PHIP: variants seen among roughly 807,000 people sequenced by gnomAD.
The protein encoded by PHIP is PHIP subunit of CUL4-Ring ligase complex.
A neutral mutation model predicts 236.8 loss-of-function variants in PHIP; 54 were observed. The ratio of observed to expected loss-of-function variants is 0.23; its 90% CI spans 0.18 to 0.29. PHIP has a LOEUF of 0.29. PHIP is among the 10% of genes least tolerant of loss of function. The pLI is 1.00. For synonymous variants in PHIP, 756 were observed against 718.9 expected (o/e 1.05, Z -0.83); for missense variants, 1,370 against 2,190.8 (o/e 0.63, Z 7.48).
chr6:79,015,283 A>T, intron 14 of PHIP, 67 bp from the exon 15 acceptor site: 1 of 1,256,548 alleles, frequency 8.0e-7, no homozygotes, highest in Non-Finnish European at 1.2e-6. Context: ...AACATAATGA[A>T]ATACCAATAT....
chr6:78,994,981 C>A (rs1769516458), intron 19 of PHIP, among the ~76,000 whole-genome samples: 1 of 152,132 alleles, frequency 6.6e-6, no homozygotes, highest in Admixed American at 6.5e-5. Context: ...AACAAACAAA[C>A]AAAATCATGT....
chr6:79,052,322 T>C (rs1772835158), intron 6 of PHIP, among the ~76,000 whole-genome samples: 1 of 152,136 alleles, frequency 6.6e-6, no homozygotes, highest in Non-Finnish European at 1.5e-5. Context: ...AGCCTGAGGC[T>C]GGAAAGAGCA....
At chr6:79,043,101 G>T in intron 6 of PHIP, 98 bp from the exon 7 acceptor site, 2 of 958,320 alleles carry the variant, frequency 2.1e-6, no homozygotes, top group Non-Finnish European at 3.2e-6. Context: ...GTCATGTGCA[G>T]GTAAAAATAA....
chr6:78,997,377 G>A, intron 19 of PHIP, 37 bp downstream of exon 19: 1 of 1,575,666 alleles, frequency 6.3e-7, no homozygotes, highest in Non-Finnish European at 8.7e-7. Context: ...ATGAACCCAA[G>A]GAACTATGGT....
chr6:79,073,271 T>C (rs929867298), intron 4 of PHIP, among the ~76,000 whole-genome samples: 18 of 152,200 alleles, frequency 1.2e-4, no homozygotes, highest in African/African-American at 4.3e-4. Flanking sequence ...CTTCAGCCTC[T>C]CAGCAACATA....
intron 24 of PHIP, among the ~76,000 whole-genome samples, chr6:78,974,961 C>G (rs1453127160): frequency 1.3e-5 from 2 of 151,594 alleles, no homozygotes; most frequent in Non-Finnish European, 2.9e-5. Context: ...GGAACTGGTA[C>G]CATTCCTTCT....
intron 39 of PHIP, among the ~76,000 whole-genome samples, chr6:78,944,475 G>C (rs1773694191): frequency 1.3e-5 from 2 of 152,126 alleles, no homozygotes; most frequent in South Asian, 4.1e-4. Flanking sequence ...AAATTATGTA[G>C]GCCTTGAAAT....
intron 6 of PHIP, among the ~76,000 whole-genome samples, chr6:79,052,274 C>T (rs558703080): frequency 3.3e-5 from 5 of 152,238 alleles, no homozygotes; most frequent in Middle Eastern, 3.4e-3. Flanking sequence ...CTGATGTGAG[C>T]GCAGCATATT....
At chr6:79,014,307 G>A (rs1205190331) in intron 15 of PHIP, among the ~76,000 whole-genome samples, 1 of 151,576 alleles carries the variant, frequency 6.6e-6, no homozygotes, top group Non-Finnish European at 1.5e-5. Flanking sequence ...TGTACTAATT[G>A]TATTGTTTTA....
At chr6:79,072,110 C>T (rs902368241) in intron 4 of PHIP, among the ~76,000 whole-genome samples, 1 of 152,156 alleles carries the variant, frequency 6.6e-6, no homozygotes, top group Admixed American at 6.5e-5. Flanking sequence ...GACATCTCTT[C>T]TCTGACAGTT....
At chr6:78,992,085 C>A (rs2127724756) in intron 19 of PHIP, among the ~76,000 whole-genome samples, 2 of 151,546 alleles carry the variant, frequency 1.3e-5, no homozygotes, top group Admixed American at 1.3e-4. Context: ...GCCTCAGCCT[C>A]CCGAGTAGCT....
rs1774233977 is a variant in PHIP, at chr6:79,077,519, G to A, written c.130-12C>T. The A allele has an allele frequency of 1.3e-6, 2 of 1,526,778 alleles. No homozygotes were observed. Among genetic ancestry groups the A allele is most frequent in the Admixed American group, 1.9e-5 (1 of 51,296 alleles). 94.6% of individuals were successfully genotyped at this position (1,526,778 alleles called of 1,614,324 possible). On this transcript the variant is annotated splice_polypyrimidine_tract_variant and intron_variant, in intron 3 of 39. Transcript: ENST00000275034. ...CGCCGGGGCAGCAGCTGCGGGGAGA[G>A]GACACCCCGTGAGCCCGGCCCCCGG...
At chr6:78,977,412 T>C (rs1402202035) in intron 24 of PHIP, among the ~76,000 whole-genome samples, 2 of 151,994 alleles carry the variant, frequency 1.3e-5, no homozygotes, top group Non-Finnish European at 2.9e-5. Flanking sequence ...CATTGGGAGA[T>C]ATACCTAATG....
intron 6 of PHIP, among the ~76,000 whole-genome samples, chr6:79,048,878 G>A (rs1289508530): frequency 6.6e-6 from 1 of 152,018 alleles, no homozygotes. Context: ...TCTAAAACCT[G>A]GAGAACCAAT....
At chr6:78,962,186 T>C (rs763046644) in intron 30 of PHIP, among the ~76,000 whole-genome samples, 3 of 152,138 alleles carry the variant, frequency 2.0e-5, no homozygotes, top group Non-Finnish European at 4.4e-5. Flanking sequence ...AATCTAACCT[T>C]TGACTTTCTC....
At chr6:79,008,066 A>AG (rs70977757) in intron 15 of PHIP, among the ~76,000 whole-genome samples, 142,400 of 152,080 alleles carry the variant, frequency 0.94, 66,740 homozygotes, top group East Asian at 1. Flanking sequence ...GGCAGGCAGG[A>AG]AATCACCTGA....
intron 31 of PHIP, among the ~76,000 whole-genome samples, chr6:78,959,312 T>C (rs1374014640): frequency 6.6e-6 from 1 of 152,058 alleles, no homozygotes; most frequent in Non-Finnish European, 1.5e-5. Flanking sequence ...AATACAATCA[T>C]ATGGAATAAC....
Position 78,940,066 on chromosome 6 carries a change from CA to C in PHIP, c.*626del, listed in dbSNP as rs1773410465. The stretch of plus-strand genomic sequence containing the variant: ...GTGGATATGTTTCCCTTCATCAGTA[CA>C]TTTTCTCTTGTTTGGCAGAAATGGA... On this transcript the variant is annotated 3_prime_UTR_variant, in exon 40 of 40. Transcript: ENST00000275034. The C allele has an allele frequency of 3.3e-5, 1 of 30,186 alleles. No individual in the cohort carries two copies. Among genetic ancestry groups the C allele is most frequent in the Non-Finnish European group, 7.5e-5 (1 of 13,338 alleles). 1.9% of individuals were successfully genotyped at this position (30,186 alleles called of 1,614,324 possible). A position where few individuals can be genotyped will look rare whatever the true frequency, so the allele number is the denominator to read the frequency against.
At chr6:79,074,410 T>C (rs1424833513) in intron 4 of PHIP, among the ~76,000 whole-genome samples, 1 of 152,014 alleles carries the variant, frequency 6.6e-6, no homozygotes, top group Admixed American at 6.5e-5. Flanking sequence ...ACTAACTAGA[T>C]TCACTATTCA....
Sources: gnomAD v4.1 joint callset for allele counts (sites outside exome capture counted in the v4.1 genomes callset) on GRCh38, gnomAD v4.1.1 for gene constraint, MANE v1.5 for transcripts, NCBI Gene and HGNC (gene_info 2026-07-23, HGNC 2026-07-21) for gene names.